The following FTO variants were observed in gnomAD, a reference collection of about 807,000 sequenced individuals.
FTO encodes alpha-ketoglutarate-dependent dioxygenase FTO.
In FTO, 47 loss-of-function variants were observed where a neutral mutation model predicts 63.9. The ratio of observed to expected loss-of-function variants is 0.74; its 90% confidence interval spans 0.58 to 0.94. FTO has a LOEUF of 0.94. FTO is among the 40% of genes least tolerant of loss of function. The pLI is 0.00. For synonymous variants in FTO, 207 were observed against 224.4 expected, an observed-to-expected ratio of 0.92 and a Z score of 0.69; for missense variants, 562 against 618.1, an observed-to-expected ratio of 0.91 and a Z score of 0.96.
intron 8 of FTO, among the ~76,000 whole-genome samples, chr16:54,107,347 G>T (rs1354736735): frequency 2.0e-5 from 3 of 152,128 alleles, no homozygotes; most frequent in Admixed American, 2.0e-4. Flanking sequence ...TAGGACTTGG[G>T]AATGACACTG....
rs142664791 is a variant in FTO, at chr16:54,026,711, G to A, written c.1365-85051G>A. ...CAGTATTATAGACGAGAAGCCAGGA[G>A]AGTCATAATGAAGCACTTCCTGGGG... On this transcript the variant is annotated intron_variant, in intron 8 of 8. Transcript: ENST00000471389. 3.9e-3 allele frequency among the ~76,000 whole-genome samples: 597 copies of A among 152,270 alleles called. 4 individuals are homozygous for A. The highest frequency in any genetic ancestry group is 0.014 in the African/African-American group (569 of 41,552).
chr16:54,001,789 T>G (rs1477304614), intron 8 of FTO, among the ~76,000 whole-genome samples: 1 of 152,178 alleles, frequency 6.6e-6, no homozygotes, highest in Non-Finnish European at 1.5e-5. Context: ...AGCCTATTAG[T>G]CCAATCTACT....
chr16:53,746,103 G>A (rs961149939), intron 1 of FTO, among the ~76,000 whole-genome samples: 1 of 152,172 alleles, frequency 6.6e-6, no homozygotes, highest in African/African-American at 2.4e-5. Flanking sequence ...CTAGAGGAGT[G>A]TAATCTTCCT....
chr16:53,741,784 T>G (rs1486437850), intron 1 of FTO, among the ~76,000 whole-genome samples: 3 of 152,258 alleles, frequency 2.0e-5, no homozygotes, highest in Non-Finnish European at 4.4e-5. Flanking sequence ...ACCTTACAAT[T>G]TCTATGGGTC....
At chr16:53,740,411 C>T (rs1056949474) in intron 1 of FTO, among the ~76,000 whole-genome samples, 6 of 152,152 alleles carry the variant, frequency 3.9e-5, no homozygotes, top group African/African-American at 1.2e-4. Flanking sequence ...CTTCATGTTA[C>T]GTTCCTGCTA....
At chr16:53,951,002 T>C (rs1467833436) in intron 8 of FTO, among the ~76,000 whole-genome samples, 3 of 152,232 alleles carry the variant, frequency 2.0e-5, no homozygotes, top group Admixed American at 1.3e-4. Flanking sequence ...ACGAAGCTAA[T>C]GATGCTAGTG....
chr16:53,881,888 G>A (rs1246836201), intron 6 of FTO, among the ~76,000 whole-genome samples: 1 of 152,186 alleles, frequency 6.6e-6, no homozygotes, highest in Non-Finnish European at 1.5e-5. Flanking sequence ...TGAAAACAGA[G>A]TAATGTTATT....
intron 6 of FTO, among the ~76,000 whole-genome samples, chr16:53,883,833 TCTC>T (rs901761701): frequency 6.6e-6 from 1 of 152,106 alleles, no homozygotes; most frequent in Non-Finnish European, 1.5e-5. Context: ...TTCAAGGTCA[TCTC>T]CTTACTTTCA....
intron 1 of FTO, among the ~76,000 whole-genome samples, chr16:53,793,938 C>T (rs942260283): frequency 3.9e-5 from 6 of 152,184 alleles, no homozygotes; most frequent in Non-Finnish European, 8.8e-5. Context: ...AGGCATTTCA[C>T]AAAAGAGCTA....
Position 53,757,579 on chromosome 16 carries a change from T to TAA in FTO, c.46-52560_46-52559dup, listed in dbSNP as rs560144825. Among the ~76,000 whole-genome samples, 364 of 151,882 alleles carry TAA rather than the reference T, an allele frequency of 2.4e-3. 3 individuals carry two copies. Among genetic ancestry groups the TAA allele is most frequent in the African/African-American group, 8.2e-3 (341 of 41,440 alleles). Reference sequence around the variant, plus strand: ...TACATAATACCTATATTTATATATATAATATGTGCATATATAAAATGCCCA... The same window carrying TAA: ...TACATAATACCTATATTTATATATATAAAATATGTGCATATATAAAATGCCCA... On this transcript the variant is annotated intron_variant, in intron 1 of 8. Transcript: ENST00000471389.
Position 53,784,911 on chromosome 16 carries a change from G to T in FTO, c.46-25229G>T, listed in dbSNP as rs186396912. 2.1e-4 allele frequency among the ~76,000 whole-genome samples: 32 copies of T among 152,188 alleles called. No individual in the cohort carries two copies. In the Middle Eastern group the frequency reaches 0.01, roughly 49 times the overall value. ...TATAGTGTATGTGGGAGTGCAGAGT[G>T]GGGGAAAGTGAGGAGGGGTTGTGAT... On this transcript the variant is annotated intron_variant, in intron 1 of 8. Coordinates refer to ENST00000471389, the MANE Select transcript of FTO (RefSeq NM_001080432.3).
At position 53,858,746 on chromosome 16, in the gene FTO, C is replaced by T. The variant is rs61138590; in HGVS notation, c.895+14448C>T. Among the ~76,000 whole-genome samples the T allele has an allele frequency of 7.8e-3, 1,179 of 151,668 alleles. 15 individuals are homozygous for T. The highest frequency in any genetic ancestry group is 0.022 in the African/African-American group (925 of 41,342). ...TGGGATCTCGGCTCACTGCAACCTC[C>T]GCCTCCTGGGTTCAAATGATTCTCC... On this transcript the variant is annotated intron_variant, in intron 4 of 8. Coordinates refer to ENST00000471389, the MANE Select transcript of FTO (RefSeq NM_001080432.3).
intron 1 of FTO, among the ~76,000 whole-genome samples, chr16:53,777,187 C>T (rs1227328233): frequency 6.6e-6 from 1 of 152,096 alleles, no homozygotes; most frequent in East Asian, 1.9e-4. Flanking sequence ...GAATTTTTTA[C>T]CCTTTGACTA....
At chr16:53,962,303 A>T (rs559552567) in intron 8 of FTO, among the ~76,000 whole-genome samples, 3 of 152,150 alleles carry the variant, frequency 2.0e-5, no homozygotes, top group Non-Finnish European at 4.4e-5. Flanking sequence ...GCTTGCTTTC[A>T]TGTTAATGCT....
At chr16:54,066,066 A>G (rs2085722819) in intron 8 of FTO, among the ~76,000 whole-genome samples, 1 of 152,222 alleles carries the variant, frequency 6.6e-6, no homozygotes. Context: ...TAACCCAGTG[A>G]GATGAATGAG....
intron 7 of FTO, among the ~76,000 whole-genome samples, chr16:53,931,245 T>C (rs2082273968): frequency 6.6e-6 from 1 of 152,150 alleles, no homozygotes; most frequent in African/African-American, 2.4e-5. Flanking sequence ...TGATGCATTT[T>C]TGCATTTTGG....
chr16:54,004,001 T>C (rs1168260912), intron 8 of FTO, among the ~76,000 whole-genome samples: 1 of 152,208 alleles, frequency 6.6e-6, no homozygotes, highest in Non-Finnish European at 1.5e-5. Context: ...ATATGACTAG[T>C]GTATACTACC....
chr16:53,729,480 G>A (rs961078208), intron 1 of FTO, among the ~76,000 whole-genome samples: 8 of 138,182 alleles, frequency 5.8e-5, no homozygotes, highest in Non-Finnish European at 9.6e-5. Flanking sequence ...TCCAGCCTGC[G>A]TGACAGACTG....
At chr16:54,067,662 T>C (rs558380174) in intron 8 of FTO, among the ~76,000 whole-genome samples, 9 of 152,212 alleles carry the variant, frequency 5.9e-5, no homozygotes, top group Non-Finnish European at 1.2e-4. Context: ...TAGAAGCTAG[T>C]TGTGTCTAAT....
Sources: allele counts gnomAD v4.1 joint callset (sites outside exome capture counted in the v4.1 genomes callset), GRCh38; gene constraint gnomAD v4.1.1; transcripts MANE v1.5; gene names NCBI Gene and HGNC (gene_info 2026-07-23, HGNC 2026-07-21).